RAP1GDS1: variants seen among roughly 807,000 people sequenced by gnomAD.
RAP1GDS1 encodes the protein RAP1, GTP-GDP dissociation stimulator 1.
In RAP1GDS1, 35 loss-of-function variants were observed where a neutral mutation model predicts 71.1. The ratio of observed to expected loss-of-function variants is 0.49; its 90% confidence interval spans 0.38 to 0.65. The LOEUF (loss-of-function observed/expected upper bound fraction) is 0.65, where lower values mean the gene tolerates loss of function less well. RAP1GDS1 is among the 30% of genes least tolerant of loss of function. The pLI, the probability that RAP1GDS1 is intolerant of heterozygous loss-of-function variation, is 0.00. For missense variants in RAP1GDS1, 663 were observed against 706.1 expected, an observed-to-expected ratio of 0.94 and a Z score of 0.69; for synonymous variants, 229 against 243.1, an observed-to-expected ratio of 0.94 and a Z score of 0.54.
At chr4:98,273,095 C>T (rs1407303118) in intron 1 of RAP1GDS1, among the ~76,000 whole-genome samples, 2 of 152,104 alleles carry the variant, frequency 1.3e-5, no homozygotes, top group Non-Finnish European at 2.9e-5. Flanking sequence ...CTTCCACTAC[C>T]CTCCTCATCT....
intron 2 of RAP1GDS1, among the ~76,000 whole-genome samples, chr4:98,314,057 T>C (rs770190847): frequency 2.0e-5 from 3 of 152,280 alleles, no homozygotes; most frequent in East Asian, 1.9e-4. Context: ...TTAAGTGTTA[T>C]ACACCTTTTC....
At chr4:98,272,290 G>A (rs1723578792) in intron 1 of RAP1GDS1, among the ~76,000 whole-genome samples, 1 of 152,142 alleles carries the variant, frequency 6.6e-6, no homozygotes, top group African/African-American at 2.4e-5. Context: ...TTGCCAATGG[G>A]AAGTAAGTTT....
chr4:98,407,670 A>G (rs1746339374), intron 7 of RAP1GDS1, among the ~76,000 whole-genome samples: 1 of 151,144 alleles, frequency 6.6e-6, no homozygotes, highest in Non-Finnish European at 1.5e-5. Flanking sequence ...CTTTGGAGAC[A>G]GAGGGAGGTA....
chr4:98,412,407 C>T (rs1249209086), intron 7 of RAP1GDS1, among the ~76,000 whole-genome samples: 3 of 152,110 alleles, frequency 2.0e-5, no homozygotes, highest in Non-Finnish European at 4.4e-5. Context: ...CCCAGCTACT[C>T]AGGAGGCTGA....
rs374154819 is a variant in RAP1GDS1, at chr4:98,340,391, T to C, written c.113-2748T>C. Among the ~76,000 whole-genome samples the C allele has an allele frequency of 1.1e-4, 17 of 152,258 alleles. 1 individual carries two copies. The highest frequency in any genetic ancestry group is 4.1e-4 in the African/African-American group (17 of 41,550). ...ACATGGATGAAGCTGTAGGTCATTA[T>C]CCTAAGCAAACTAACACAGAAACAA... is the stretch of plus-strand genomic sequence containing the variant. On this transcript the variant is annotated intron_variant, in intron 2 of 14. Coordinates refer to ENST00000408927, the MANE Select transcript of RAP1GDS1 (RefSeq NM_001100427.2).
chr4:98,302,801 T>G (rs185056522), intron 2 of RAP1GDS1, among the ~76,000 whole-genome samples: 14 of 152,156 alleles, frequency 9.2e-5, no homozygotes, highest in Admixed American at 9.2e-4. Context: ...ATCCCAGCAC[T>G]TTGGGAGGCC....
chr4:98,327,862 GT>G (rs1470386041), intron 2 of RAP1GDS1, among the ~76,000 whole-genome samples: 1 of 152,140 alleles, frequency 6.6e-6, no homozygotes, highest in African/African-American at 2.4e-5. Flanking sequence ...AATTTTCTCT[GT>G]TTTGTAGGTG....
intron 7 of RAP1GDS1, among the ~76,000 whole-genome samples, chr4:98,413,062 C>T (rs2110173340): frequency 6.6e-6 from 1 of 152,190 alleles, no homozygotes; most frequent in East Asian, 1.9e-4. Context: ...CTCAAACTTA[C>T]CAGGGCGGGA....
intron 1 of RAP1GDS1, among the ~76,000 whole-genome samples, chr4:98,269,514 A>G (rs979085902): frequency 3.3e-5 from 5 of 152,188 alleles, no homozygotes; most frequent in Non-Finnish European, 7.4e-5. Flanking sequence ...AGCAAAGGAA[A>G]CAACAAAATG....
intron 2 of RAP1GDS1, among the ~76,000 whole-genome samples, chr4:98,312,642 A>G (rs1485184848): frequency 6.6e-6 from 1 of 152,134 alleles, no homozygotes; most frequent in Non-Finnish European, 1.5e-5. Context: ...GCAGTGGTAT[A>G]TTAGGGTTCT....
chr4:98,358,494 G>A (rs960571256), intron 4 of RAP1GDS1, among the ~76,000 whole-genome samples: 3 of 151,968 alleles, frequency 2.0e-5, no homozygotes, highest in Admixed American at 6.6e-5. Context: ...TCCTAGTTTA[G>A]TTTAAAACCA....
intron 1 of RAP1GDS1, among the ~76,000 whole-genome samples, chr4:98,279,536 T>C (rs1490501323): frequency 6.6e-6 from 1 of 151,970 alleles, no homozygotes; most frequent in Non-Finnish European, 1.5e-5. Context: ...TTTTTTGAGA[T>C]GCAAATTATT....
At chr4:98,377,954 T>C (rs914451420) in intron 4 of RAP1GDS1, among the ~76,000 whole-genome samples, 7 of 151,874 alleles carry the variant, frequency 4.6e-5, no homozygotes, top group Non-Finnish European at 1.0e-4. Flanking sequence ...ATTTTGAAGA[T>C]ATATTGTGAA....
intron 2 of RAP1GDS1, among the ~76,000 whole-genome samples, chr4:98,339,765 G>A (rs1440083355): frequency 6.6e-6 from 1 of 152,244 alleles, no homozygotes; most frequent in African/African-American, 2.4e-5. Context: ...TTAAAACTTT[G>A]TAGTTTATAC....
At position 98,344,971 on chromosome 4, in the gene RAP1GDS1, G is replaced by A. The variant is rs578042043; in HGVS notation, c.235+1710G>A. Among the ~76,000 whole-genome samples the A allele has an allele frequency of 3.9e-5, 6 of 152,178 alleles. No individual in the cohort carries two copies. The East Asian group carries it at 9.7e-4, about 25-fold the overall frequency. On this transcript the variant is annotated intron_variant, in intron 3 of 14. Coordinates refer to ENST00000408927, the MANE Select transcript of RAP1GDS1 (RefSeq NM_001100427.2). ...TCCTGAGTAGCTGGACCATAGGCATGTGCCACCATGCCTGGCTAATTTTTA... is the reference window on the plus strand; with the variant it reads ...TCCTGAGTAGCTGGACCATAGGCATATGCCACCATGCCTGGCTAATTTTTA...
chr4:98,405,249 T>C (rs1191275849), intron 7 of RAP1GDS1, among the ~76,000 whole-genome samples: 1 of 152,100 alleles, frequency 6.6e-6, no homozygotes, highest in East Asian at 1.9e-4. Flanking sequence ...TAAAAACTAT[T>C]TTTAAAAAGT....
chr4:98,338,748 G>A (rs1735085551), intron 2 of RAP1GDS1, among the ~76,000 whole-genome samples: 1 of 152,086 alleles, frequency 6.6e-6, no homozygotes, highest in African/African-American at 2.4e-5. Flanking sequence ...TAGAGTCTTA[G>A]TAATAGCAGT....
At chr4:98,439,969 T>C (rs1751673398) in intron 14 of RAP1GDS1, among the ~76,000 whole-genome samples, 1 of 152,220 alleles carries the variant, frequency 6.6e-6, no homozygotes, top group Admixed American at 6.5e-5. Flanking sequence ...ACTGAAACTC[T>C]GTACTCATTA....
intron 2 of RAP1GDS1, among the ~76,000 whole-genome samples, chr4:98,314,584 A>G (rs561678590): frequency 1.3e-5 from 2 of 152,216 alleles, no homozygotes; most frequent in Non-Finnish European, 2.9e-5. Flanking sequence ...AGCCTCTTTC[A>G]TTTATTCTGT....
Sources: allele counts gnomAD v4.1 joint callset (sites outside exome capture counted in the v4.1 genomes callset), GRCh38; gene constraint gnomAD v4.1.1; transcripts MANE v1.5; gene names NCBI Gene and HGNC (gene_info 2026-07-23, HGNC 2026-07-21).